Variants in DMD observed in about 807,000 individuals in gnomAD.
DMD encodes the protein dystrophin.
In DMD, 63 loss-of-function variants were observed where a neutral mutation model predicts 330.1. The ratio of observed to expected loss-of-function variants is 0.19; its 90% CI spans 0.16 to 0.24. DMD has a LOEUF of 0.24. Among genes scored for constraint, DMD ranks in the 10% least tolerant of loss-of-function variants. The probability of loss-of-function intolerance (pLI) is 1.00; values close to 1 mark genes in which losing one functional copy is unlikely to be tolerated. For synonymous variants in DMD, 1,223 were observed against 959.8 expected, an observed-to-expected ratio of 1.27 and a Z score of -5.07; for missense variants, 3,344 against 2,684.1, an observed-to-expected ratio of 1.25 and a Z score of -5.43.
intron 47 of DMD, among the ~76,000 whole-genome samples, chrX:31,898,041 C>T (rs1199623734): frequency 1.8e-5 from 2 of 110,577 alleles, no homozygotes; most frequent in Admixed American, 9.7e-5. Context: ...GAATAAAATG[C>T]CTAGGAATCC....
chrX:32,775,890 T>C (rs1380083088), intron 7 of DMD, among the ~76,000 whole-genome samples: 1 of 112,689 alleles, frequency 8.9e-6, no homozygotes, highest in Non-Finnish European at 1.9e-5. Flanking sequence ...AGGCTGCAAA[T>C]TTTCCAAACT....
chrX:32,212,792 T>C (rs1172564791), intron 44 of DMD, among the ~76,000 whole-genome samples: 1 of 111,806 alleles, frequency 8.9e-6, no homozygotes, highest in Non-Finnish European at 1.9e-5. Context: ...GGTAAAAAAA[T>C]GGGATATTTT....
At chrX:31,721,724 A>C (rs200835939) in intron 52 of DMD, among the ~76,000 whole-genome samples, 3,710 of 64,890 alleles carry the variant, frequency 0.057, 90 homozygotes, top group Non-Finnish European at 0.073. Flanking sequence ...CTCTCTATAT[A>C]TATATATATA....
intron 29 of DMD, among the ~76,000 whole-genome samples, chrX:32,437,146 T>C (rs1422745133): frequency 8.9e-6 from 1 of 112,043 alleles, no homozygotes; most frequent in Non-Finnish European, 1.9e-5. Flanking sequence ...AATATCTATT[T>C]GACTCAGATC....
intron 1 of DMD, among the ~76,000 whole-genome samples, chrX:33,309,494 CAAAT>C (rs777600806): frequency 2.2e-3 from 247 of 110,690 alleles, no homozygotes; most frequent in African/African-American, 7.1e-3. Context: ...AATAAATGAA[CAAAT>C]AAATAAATAA....
chrX:31,849,205 T>C (rs1439992117), intron 48 of DMD, among the ~76,000 whole-genome samples: 3 of 102,240 alleles, frequency 2.9e-5, no homozygotes, highest in Admixed American at 2.1e-4. Context: ...CCTTTCCATG[T>C]ATGTTCAAAC....
intron 9 of DMD, among the ~76,000 whole-genome samples, chrX:32,664,407 A>C (rs958278688): frequency 5.5e-5 from 6 of 109,340 alleles, no homozygotes; most frequent in Non-Finnish European, 1.1e-4. Context: ...ACGGCCGGCA[A>C]ATTTTTTGTA....
In DMD at chrX:31,622,819, G is replaced by A. The variant is rs192267244; in HGVS notation, c.8217+4854C>T. ...GGCAGGTGTTTAGCAAAGATACGCT[G>A]AATTAATAAAAGTTCTCAGAAAAAT... is the stretch of plus-strand genomic sequence containing the variant. On this transcript the variant is annotated intron_variant, in intron 55 of 78. Coordinates refer to ENST00000357033, the MANE Select transcript of DMD (RefSeq NM_004006.3). Among the ~76,000 whole-genome samples, 382 of 97,164 alleles carry A rather than the reference G, an allele frequency of 3.9e-3. 2 individuals are homozygous for A. Among genetic ancestry groups the A allele is most frequent in the Non-Finnish European group, 6.1e-3 (301 of 49,222 alleles). 84.4% of individuals were successfully genotyped at this position (97,164 alleles called of 115,157 possible).
intron 7 of DMD, among the ~76,000 whole-genome samples, chrX:32,755,510 C>A (rs1371348395): frequency 1.8e-5 from 2 of 111,711 alleles, no homozygotes; most frequent in African/African-American, 6.5e-5. Context: ...AATGTGTTTA[C>A]TCCAACTAAG....
intron 62 of DMD, among the ~76,000 whole-genome samples, chrX:31,289,264 AATAAAAAATAAAAT>A (rs1245347558): frequency 5.8e-5 from 5 of 85,670 alleles, no homozygotes; most frequent in African/African-American, 2.7e-4. Flanking sequence ...AAAAAAAAAA[AATAAAAAATAAAAT>A]AAAATCCATC....
At chrX:31,748,169 A>G (rs1228364402) in intron 51 of DMD, among the ~76,000 whole-genome samples, 1 of 112,173 alleles carries the variant, frequency 8.9e-6, no homozygotes, top group Non-Finnish European at 1.9e-5. Flanking sequence ...GATAGTAGAC[A>G]GAATAGGTGT....
At chrX:32,567,523 G>A (rs755973725) in intron 15 of DMD, among the ~76,000 whole-genome samples, 12 of 111,386 alleles carry the variant, frequency 1.1e-4, no homozygotes, top group Admixed American at 9.6e-4. Flanking sequence ...AGCCTCACGA[G>A]TAGCTGGTAT....
chrX:31,573,312 C>A (rs1446684803), intron 55 of DMD, among the ~76,000 whole-genome samples: 1 of 111,845 alleles, frequency 8.9e-6, no homozygotes, highest in Non-Finnish European at 1.9e-5. Flanking sequence ...TAGGTTAAAG[C>A]AACAAAATTT....
At chrX:32,522,239 C>T (rs1471260757) in intron 17 of DMD, among the ~76,000 whole-genome samples, 1 of 111,879 alleles carries the variant, frequency 8.9e-6, no homozygotes, top group East Asian at 2.8e-4. Context: ...TAGCCAGAAC[C>T]CAAATCTGTG....
At chrX:32,340,902 A>C (rs1356749255) in intron 41 of DMD, among the ~76,000 whole-genome samples, 1 of 111,641 alleles carries the variant, frequency 9.0e-6, no homozygotes, top group African/African-American at 3.2e-5. Context: ...TATTCTTCCA[A>C]TTGCTCAGAA....
chrX:32,540,892 T>A (rs1362384068), intron 17 of DMD, among the ~76,000 whole-genome samples: 1 of 111,506 alleles, frequency 9.0e-6, no homozygotes, highest in African/African-American at 3.3e-5. Flanking sequence ...TTTGGAGGTA[T>A]CTGGATTTAT....
At chrX:32,558,539 T>G (rs918887446) in intron 16 of DMD, among the ~76,000 whole-genome samples, 3 of 111,758 alleles carry the variant, frequency 2.7e-5, no homozygotes, top group African/African-American at 9.8e-5. Flanking sequence ...TAATTAAGTC[T>G]CCTTTGAATA....
At chrX:31,939,809 GA>G (rs1285720034) in intron 45 of DMD, among the ~76,000 whole-genome samples, 1 of 111,767 alleles carries the variant, frequency 8.9e-6, no homozygotes, top group Non-Finnish European at 1.9e-5. Flanking sequence ...TACACAGGAG[GA>G]GTACTCAAAA....
chrX:31,642,631 G>A (rs2079837873), intron 54 of DMD, among the ~76,000 whole-genome samples: 1 of 110,197 alleles, frequency 9.1e-6, no homozygotes, highest in African/African-American at 3.3e-5. Flanking sequence ...AATGCTCACA[G>A]AAGCATAGTT....
Sources: allele counts gnomAD v4.1 joint callset (sites outside exome capture counted in the v4.1 genomes callset), GRCh38; gene constraint gnomAD v4.1.1; transcripts MANE v1.5; gene names NCBI Gene and HGNC (gene_info 2026-07-23, HGNC 2026-07-21).